Variants in TRAK1 observed in about 807,000 individuals in gnomAD.
TRAK1 encodes the protein trafficking kinesin protein 1.
A neutral mutation model predicts 92.1 loss-of-function variants in TRAK1; 33 were observed. The observed-to-expected ratio is 0.36, with a 90% CI of 0.27 to 0.48. TRAK1 has a LOEUF of 0.48. Among genes scored for constraint, TRAK1 ranks in the 20% least tolerant of loss-of-function variants. The pLI is 0.99. For synonymous variants in TRAK1, 521 were observed against 517.3 expected (o/e 1.01, Z -0.10); for missense variants, 1,123 against 1,257.9 (o/e 0.89, Z 1.62).
At chr3:42,156,935 G>C (rs1405082037) in intron 2 of TRAK1, among the ~76,000 whole-genome samples, 1 of 152,060 alleles carries the variant, frequency 6.6e-6, no homozygotes, top group Admixed American at 6.5e-5. Flanking sequence ...GAGTGGATCA[G>C]TTGAGGTCAG....
intron 2 of TRAK1, among the ~76,000 whole-genome samples, chr3:42,153,984 T>A (rs1700248281): frequency 6.6e-6 from 1 of 151,754 alleles, no homozygotes; most frequent in Admixed American, 6.6e-5. Flanking sequence ...AGAAAAAGAA[T>A]GAAATGTAAA....
Position 42,201,883 on chromosome 3 carries a change from GACACACACACACACACACAC to G in TRAK1, c.1428-524_1428-505del, listed in dbSNP as rs56336064. 2.0e-4 allele frequency among the ~76,000 whole-genome samples: 25 copies of G among 125,180 alleles called. No individual in the cohort carries two copies. The East Asian group carries it at 3.5e-3, about 18-fold the overall frequency. 82.1% of individuals were successfully genotyped at this position (125,180 alleles called of 152,430 possible). On this transcript the variant is annotated intron_variant, in intron 12 of 15. Coordinates refer to ENST00000327628, the MANE Select transcript of TRAK1 (RefSeq NM_001042646.3). The stretch of plus-strand genomic sequence containing the variant: ...GGACGGACGGACGGACGGACAGACG[GACACACACACACACACACAC>G]ACACACACACACACACACACACACA...
intron 1 of TRAK1, among the ~76,000 whole-genome samples, chr3:42,022,373 A>T (rs1384047831): frequency 6.6e-6 from 1 of 152,196 alleles, no homozygotes; most frequent in African/African-American, 2.4e-5. Flanking sequence ...TAAAACGTTG[A>T]CTGCTGCAGT....
At chr3:42,037,221 A>C (rs1702358650) in intron 1 of TRAK1, among the ~76,000 whole-genome samples, 1 of 152,186 alleles carries the variant, frequency 6.6e-6, no homozygotes, top group South Asian at 2.1e-4. Context: ...CTGCTTTTAG[A>C]GTTTTAGGAT....
chr3:42,220,676 G>T, intron 15 of TRAK1: 4 of 887,968 alleles, frequency 4.5e-6, no homozygotes, highest in Non-Finnish European at 5.4e-6. Flanking sequence ...CTAACCCGGG[G>T]ACTTAGGCTT....
chr3:42,201,460 C>CAA (rs57638665), intron 12 of TRAK1, among the ~76,000 whole-genome samples: 10 of 139,598 alleles, frequency 7.2e-5, no homozygotes, highest in African/African-American at 1.3e-4. Context: ...GACTCTGTCT[C>CAA]AAAAAAAAAA....
chr3:42,211,249 A>G (rs1708993958), intron 14 of TRAK1: 2 of 985,368 alleles, frequency 2.0e-6, no homozygotes, highest in Non-Finnish European at 2.4e-6. Flanking sequence ...GGCTAATTTC[A>G]GACAGCTGTG....
intron 2 of TRAK1, among the ~76,000 whole-genome samples, chr3:42,157,457 C>CAA (rs60622565): frequency 0.029 from 910 of 31,024 alleles, 180 homozygotes; most frequent in South Asian, 0.044. Context: ...GACCCTGTCT[C>CAA]AAAAAAAAAA....
chr3:42,192,954 C>T, intron 7 of TRAK1, 121 bp from the exon 8 acceptor site: 1 of 1,435,470 alleles, frequency 7.0e-7, no homozygotes, highest in Non-Finnish European at 9.4e-7. Context: ...ACCCTCCCCA[C>T]TCTACCCTGT....
chr3:42,045,724 T>C (rs1200886842), intron 1 of TRAK1, among the ~76,000 whole-genome samples: 1 of 152,186 alleles, frequency 6.6e-6, no homozygotes, highest in Non-Finnish European at 1.5e-5. Context: ...TTTACACCTG[T>C]GGTTGGGATC....
rs552505419 is a variant in TRAK1, at chr3:42,047,123, T to C, written c.-519+33006T>C. 2.4e-3 allele frequency among the ~76,000 whole-genome samples: 366 copies of C among 151,972 alleles called. 4 individuals are homozygous for C. The highest frequency in any genetic ancestry group is 1.8e-3 in the Non-Finnish European group (121 of 67,984). Reference sequence around the variant, plus strand: ...AAGGAAAAGCTGTTCTAAAAATGCATAGTTATTGTGTACCTGAATTGTCTT... The same window carrying C: ...AAGGAAAAGCTGTTCTAAAAATGCACAGTTATTGTGTACCTGAATTGTCTT... On this transcript the variant is annotated intron_variant, in intron 1 of 16. Transcript: ENST00000487159.
intron 2 of TRAK1, among the ~76,000 whole-genome samples, chr3:42,137,048 A>G (rs1370900000): frequency 6.6e-6 from 1 of 152,126 alleles, no homozygotes; most frequent in African/African-American, 2.4e-5. Context: ...AAAGATGACT[A>G]ACATAGTAAC....
At position 42,189,055 on chromosome 3, in the gene TRAK1, C is replaced by T; in HGVS notation, c.621C>T (p.Tyr207=). Reference sequence around the variant, plus strand: ...AGTCGTCCTCCTCAGTCCAGAATTACTTTCATTTGGATTCTCTTCAAAAGA... The same window carrying T: ...AGTCGTCCTCCTCAGTCCAGAATTATTTTCATTTGGATTCTCTTCAAAAGA... The part of the protein sequence containing the change: ...RNESSSSVQN[Y]FHLDSLQKKL... Residue 207 remains tyrosine (Y), a synonymous_variant, in exon 6 of 16, where the codon TAC becomes TAT. Transcript: ENST00000327628. The T allele has an allele frequency of 6.2e-7, 1 of 1,614,204 alleles. No homozygotes were observed. Among genetic ancestry groups the T allele is most frequent in the Non-Finnish European group, 8.5e-7 (1 of 1,180,012 alleles).
chr3:42,157,974 A>T (rs1200312441), intron 2 of TRAK1, among the ~76,000 whole-genome samples: 1 of 152,200 alleles, frequency 6.6e-6, no homozygotes, highest in African/African-American at 2.4e-5. Flanking sequence ...TGTACCCCCC[A>T]AAAACAAAAT....
intron 2 of TRAK1, among the ~76,000 whole-genome samples, chr3:42,167,677 G>A (rs1376551029): frequency 1.3e-5 from 2 of 152,120 alleles, no homozygotes; most frequent in South Asian, 2.1e-4. Context: ...TCAGGAGATC[G>A]AGACCATCCT....
At chr3:42,018,599 A>G (rs889028439) in intron 1 of TRAK1, among the ~76,000 whole-genome samples, 4 of 152,222 alleles carry the variant, frequency 2.6e-5, no homozygotes, top group African/African-American at 9.6e-5. Context: ...GTAGGAGAAA[A>G]TAACTGTGAA....
At chr3:42,203,269 A>G in intron 13 of TRAK1, 1 of 1,011,410 alleles carries the variant, frequency 9.9e-7, no homozygotes, top group South Asian at 4.7e-5. Context: ...AACTTCATAT[A>G]GCAAGGTTGT....
chr3:42,058,371 C>T (rs1703284381), intron 1 of TRAK1, among the ~76,000 whole-genome samples: 1 of 151,886 alleles, frequency 6.6e-6, no homozygotes, highest in Non-Finnish European at 1.5e-5. Context: ...GAGTCTCACT[C>T]TTGTTGCCCA....
chr3:42,199,265 G>C lies in TRAK1; in HGVS notation c.1190+12G>C, dbSNP rs772137376. The stretch of plus-strand genomic sequence containing the variant: ...TCTCCAGACATCACGTACGGCCACA[G>C]TTTTTACAGTTTTGAGATTCCCAGA... On this transcript the variant is annotated intron_variant, in intron 11 of 15. Coordinates refer to ENST00000327628, the MANE Select transcript of TRAK1 (RefSeq NM_001042646.3). 1 of 1,613,852 alleles carries C rather than the reference G, an allele frequency of 6.2e-7. No individual in the cohort carries two copies. The highest frequency in any genetic ancestry group is 8.5e-7 in the Non-Finnish European group (1 of 1,179,886).
Sources: gnomAD v4.1 joint callset for allele counts (sites outside exome capture counted in the v4.1 genomes callset) on GRCh38, gnomAD v4.1.1 for gene constraint, MANE v1.5 for transcripts, NCBI Gene and HGNC (gene_info 2026-07-23, HGNC 2026-07-21) for gene names.